The following MAGI2 variants were observed in gnomAD, a reference collection of about 807,000 sequenced individuals.
MAGI2 encodes membrane associated guanylate kinase, WW and PDZ domain containing 2, also known as membrane-associated guanylate kinase, WW and PDZ domain-containing protein 2.
In MAGI2, 35 loss-of-function variants were observed where a neutral mutation model predicts 133.3. That is an observed-to-expected ratio of 0.26 (90% CI 0.20 to 0.35). The LOEUF is 0.35. Ranked by LOEUF, MAGI2 falls within the 10% of genes least tolerant of loss-of-function variation. The pLI is 1.00. For missense variants in MAGI2, 1,636 were observed against 1,863.4 expected (o/e 0.88, Z 2.25); for synonymous variants, 729 against 710.6 (o/e 1.03, Z -0.41).
intron 6 of MAGI2, among the ~76,000 whole-genome samples, chr7:78,473,768 A>G (rs1037160339): frequency 6.6e-6 from 1 of 152,028 alleles, no homozygotes; most frequent in African/African-American, 2.4e-5. Flanking sequence ...TCTAAACACA[A>G]CACCTCTTCA....
chr7:79,263,091 A>G (rs1217874442), intron 1 of MAGI2, among the ~76,000 whole-genome samples: 4 of 152,158 alleles, frequency 2.6e-5, no homozygotes, highest in African/African-American at 9.7e-5. Context: ...TGGCACTTAC[A>G]TTTTATGTAA....
chr7:78,496,961 A>T (rs1794141010), intron 5 of MAGI2, among the ~76,000 whole-genome samples: 1 of 152,188 alleles, frequency 6.6e-6, no homozygotes, highest in Non-Finnish European at 1.5e-5. Context: ...TTTGGCAAGT[A>T]TTTACCTCTA....
intron 1 of MAGI2, among the ~76,000 whole-genome samples, chr7:79,288,363 T>C (rs1836191835): frequency 6.6e-6 from 1 of 152,204 alleles, no homozygotes; most frequent in African/African-American, 2.4e-5. Flanking sequence ...TCATTGTCTA[T>C]TATAATTATT....
intron 2 of MAGI2, among the ~76,000 whole-genome samples, chr7:78,647,755 A>G (rs892902371): frequency 6.6e-6 from 1 of 152,238 alleles, no homozygotes; most frequent in Non-Finnish European, 1.5e-5. Flanking sequence ...ACAAATGTCC[A>G]TGAATAATAG....
At chr7:78,859,421 T>G (rs150204737) in intron 2 of MAGI2, among the ~76,000 whole-genome samples, 142,321 of 150,494 alleles carry the variant, frequency 0.95, 67,709 homozygotes, top group Non-Finnish European at 1. Flanking sequence ...AGGAGGTCTT[T>G]TAGGGCAGGC....
intron 20 of MAGI2, among the ~76,000 whole-genome samples, chr7:78,083,339 GGAGA>G: frequency 8.7e-6 from 1 of 115,234 alleles, no homozygotes; most frequent in African/African-American, 3.4e-5. Flanking sequence ...AGAGGGAGAG[GGAGA>G]GGGAGAAGGA....
At chr7:78,403,889 A>G (rs1797133729) in intron 6 of MAGI2, among the ~76,000 whole-genome samples, 1 of 152,208 alleles carries the variant, frequency 6.6e-6, no homozygotes, top group Non-Finnish European at 1.5e-5. Flanking sequence ...CTGTTTGCAG[A>G]TGACATGATT....
intron 6 of MAGI2, among the ~76,000 whole-genome samples, chr7:78,371,311 G>A (rs972809624): frequency 1.3e-5 from 2 of 151,678 alleles, no homozygotes; most frequent in African/African-American, 4.8e-5. Flanking sequence ...ACAGAGGACA[G>A]CAATTAATAT....
chr7:78,461,212 T>C (rs1789951076), intron 6 of MAGI2, among the ~76,000 whole-genome samples: 1 of 152,194 alleles, frequency 6.6e-6, no homozygotes, highest in Admixed American at 6.5e-5. Flanking sequence ...GAGGTGGACA[T>C]ATTACCTGTG....
At chr7:78,116,048 A>C (rs893466477) in intron 20 of MAGI2, among the ~76,000 whole-genome samples, 4 of 152,232 alleles carry the variant, frequency 2.6e-5, no homozygotes, top group African/African-American at 9.6e-5. Context: ...GATCATATAT[A>C]AAAAATGCAA....
chr7:78,899,729 A>G (rs1797469597), intron 2 of MAGI2, among the ~76,000 whole-genome samples: 1 of 152,122 alleles, frequency 6.6e-6, no homozygotes, highest in Admixed American at 6.6e-5. Flanking sequence ...GGCTGAGTGT[A>G]TTTTAAACAG....
At chr7:79,300,818 G>C (rs181581156) in intron 1 of MAGI2, among the ~76,000 whole-genome samples, 52 of 152,344 alleles carry the variant, frequency 3.4e-4, no homozygotes, top group African/African-American at 1.2e-3. Flanking sequence ...CTAGGGGAAA[G>C]AATGTTTCAT....
chr7:78,208,932 C>G (rs1353448458), intron 10 of MAGI2, among the ~76,000 whole-genome samples: 2 of 151,974 alleles, frequency 1.3e-5, no homozygotes, highest in East Asian at 3.9e-4. Context: ...GGTTTTAAGA[C>G]AGGAACCTGG....
chr7:79,214,277 G>A (rs1264073889), intron 1 of MAGI2, among the ~76,000 whole-genome samples: 2 of 148,988 alleles, frequency 1.3e-5, no homozygotes, highest in African/African-American at 5.0e-5. Context: ...GCCTTTTGAT[G>A]GGCAGTTTCA....
intron 4 of MAGI2, among the ~76,000 whole-genome samples, chr7:78,520,903 G>T (rs951968730): frequency 6.6e-6 from 1 of 152,068 alleles, no homozygotes; most frequent in Non-Finnish European, 1.5e-5. Context: ...TAAGGAAAAA[G>T]AAACAAATAT....
chr7:79,448,453 T>C (rs1190785766), intron 1 of MAGI2, among the ~76,000 whole-genome samples: 1 of 152,070 alleles, frequency 6.6e-6, no homozygotes, highest in Non-Finnish European at 1.5e-5. Flanking sequence ...TGCAATAGCA[T>C]TTACTAAAAT....
intron 2 of MAGI2, among the ~76,000 whole-genome samples, chr7:78,946,498 T>A (rs573318404): frequency 6.6e-6 from 1 of 152,314 alleles, no homozygotes; most frequent in African/African-American, 2.4e-5. Flanking sequence ...TATGATTGGA[T>A]GGTACCTTAT....
At chr7:78,735,899 C>T (rs1023241142) in intron 2 of MAGI2, among the ~76,000 whole-genome samples, 3 of 152,066 alleles carry the variant, frequency 2.0e-5, no homozygotes, top group Admixed American at 1.3e-4. Context: ...ACAATTTGTA[C>T]AAGAAAGTAG....
At chr7:79,249,797 A>G (rs931113406) in intron 1 of MAGI2, among the ~76,000 whole-genome samples, 3 of 152,184 alleles carry the variant, frequency 2.0e-5, no homozygotes, top group Non-Finnish European at 4.4e-5. Flanking sequence ...AACTCATTCT[A>G]TGAGGACAGT....
Sources: allele counts gnomAD v4.1 joint callset (sites outside exome capture counted in the v4.1 genomes callset), GRCh38; gene constraint gnomAD v4.1.1; transcripts MANE v1.5; gene names NCBI Gene and HGNC (gene_info 2026-07-23, HGNC 2026-07-21).